HORMAD2: variants seen among roughly 807,000 people sequenced by gnomAD.
The protein encoded by HORMAD2 is HORMA domain containing 2.
HORMAD2 carries 45 observed loss-of-function variants against 38.8 expected under a neutral mutation model. The observed-to-expected ratio is 1.16, with a 90% CI of 0.91 to 1.49. The LOEUF (loss-of-function observed/expected upper bound fraction) is 1.49. Ranked by LOEUF, HORMAD2 falls within the 40% of genes most tolerant of loss-of-function variation. The pLI, the probability that HORMAD2 is intolerant of heterozygous loss-of-function variation, is 0.00. For missense variants in HORMAD2, 338 were observed against 367.0 expected (o/e 0.92, Z 0.65); for synonymous variants, 126 against 122.8 (o/e 1.03, Z -0.17).
At chr22:30,153,775 T>C (rs73883378) in intron 10 of HORMAD2, among the ~76,000 whole-genome samples, 11,897 of 152,256 alleles carry the variant, frequency 0.078, 541 homozygotes, top group African/African-American at 0.093. Context: ...TATCATTTAC[T>C]TAGTTGCTTC....
chr22:30,139,751 C>T (rs951556809), intron 10 of HORMAD2, among the ~76,000 whole-genome samples: 2 of 151,638 alleles, frequency 1.3e-5, no homozygotes, highest in East Asian at 3.9e-4. Flanking sequence ...TGAAGAAGTT[C>T]CCTTCTTAGT....
chr22:30,090,180 T>C (rs1168199283), intron 1 of HORMAD2, among the ~76,000 whole-genome samples: 1 of 151,976 alleles, frequency 6.6e-6, no homozygotes, highest in African/African-American at 2.4e-5. Context: ...CTGGGCAACA[T>C]GACAAAACCC....
chr22:30,083,119 T>C (rs924642136), intron 1 of HORMAD2, among the ~76,000 whole-genome samples: 1 of 151,986 alleles, frequency 6.6e-6, no homozygotes, highest in African/African-American at 2.4e-5. Context: ...AAATAAAATT[T>C]GCTGAGTGTG....
chr22:30,111,942 T>G, intron 6 of HORMAD2, 126 bp downstream of exon 6: 1 of 635,300 alleles, frequency 1.6e-6, no homozygotes, highest in Non-Finnish European at 2.7e-6. Context: ...GTCTTGGAAT[T>G]AAAAACATAG....
At chr22:30,122,596 G>A (rs1922537685) in intron 10 of HORMAD2, among the ~76,000 whole-genome samples, 1 of 152,166 alleles carries the variant, frequency 6.6e-6, no homozygotes, top group Admixed American at 6.5e-5. Flanking sequence ...ATAATTGGAT[G>A]GGAGGAGTTG....
the HORMAD2 span, among the ~76,000 whole-genome samples, chr22:30,205,466 CG>C: frequency 1.3e-5 from 2 of 152,250 alleles, no homozygotes; most frequent in Middle Eastern, 3.4e-3. Flanking sequence ...CAGAGAAGGC[CG>C]GTGACTGGCC....
chr22:30,119,004 A>G lies in HORMAD2; in HGVS notation c.367A>G (p.Lys123Glu), dbSNP rs200580449. ...SEKVTEMYQFKFKYTKEGATM... is the reference protein window; with the variant it reads ...SEKVTEMYQFEFKYTKEGATM... ...GAAGGTGACTGAGATGTACCAGTTC[A>G]AATTCAAATACACGAAAGAAGGAGC... Residue 123 changes from lysine (K) to glutamate (E), a missense_variant, in exon 8 of 11, where the codon AAA (lysine) becomes GAA (glutamate). Coordinates refer to ENST00000336726, the MANE Select transcript of HORMAD2 (RefSeq NM_152510.4). The G allele has an allele frequency of 2.5e-6, 4 of 1,590,302 alleles. No homozygotes were observed. The African/African-American group carries it at 4.0e-5, about 16-fold the overall frequency.
intron 2 of HORMAD2, among the ~76,000 whole-genome samples, chr22:30,095,924 A>T (rs766521375): frequency 6.6e-6 from 1 of 152,040 alleles, no homozygotes; most frequent in Admixed American, 6.6e-5. Context: ...ACTCCCTCTC[A>T]TGCTGTCTTC....
At chr22:30,078,790 G>A (rs935858212), upstream of HORMAD2, among the ~76,000 whole-genome samples, 1 of 152,096 alleles carries the variant, frequency 6.6e-6, no homozygotes, top group African/African-American at 2.4e-5. Flanking sequence ...AAGAAAATTA[G>A]AACAGCCAGC....
At chr22:30,084,187 T>C (rs1400770324) in intron 1 of HORMAD2, among the ~76,000 whole-genome samples, 1 of 152,206 alleles carries the variant, frequency 6.6e-6, no homozygotes, top group Non-Finnish European at 1.5e-5. Flanking sequence ...AGAGCAGACA[T>C]GTATTGGCTT....
upstream of HORMAD2, among the ~76,000 whole-genome samples, chr22:30,079,399 G>A (rs187646209): frequency 8.8e-4 from 134 of 152,356 alleles, no homozygotes; most frequent in Middle Eastern, 6.8e-3. Context: ...ACAAATTAAT[G>A]TTAAAAAGAA....
In HORMAD2 at chr22:30,129,114, A is replaced by G. The variant is rs552404586; in HGVS notation, c.819+6900A>G. On this transcript the variant is annotated intron_variant, in intron 10 of 10. Coordinates refer to ENST00000336726, the MANE Select transcript of HORMAD2 (RefSeq NM_152510.4). ...GCACCTGTAGTCCCAGCTACTTGGG[A>G]GGCTGAGGCAGGAGAATGGCAAAAA... is the stretch of plus-strand genomic sequence containing the variant. Among the ~76,000 whole-genome samples the G allele has an allele frequency of 1.6e-4, 24 of 149,392 alleles. No individual in the cohort carries two copies. In the East Asian group the frequency reaches 4.9e-3, roughly 30 times the overall value.
chr22:30,196,711 T>C, the HORMAD2 span, among the ~76,000 whole-genome samples: 322 of 152,282 alleles, frequency 2.1e-3, 2 homozygotes, highest in African/African-American at 6.5e-3. Context: ...TGCTGTGCTC[T>C]CTTAAGGAAA....
chr22:30,113,858 G>A (rs1210919800), intron 7 of HORMAD2, among the ~76,000 whole-genome samples: 1 of 152,104 alleles, frequency 6.6e-6, no homozygotes, highest in East Asian at 1.9e-4. Flanking sequence ...ACATACGGTA[G>A]GTAGCAATTC....
chr22:30,114,108 CA>C (rs747356919), intron 7 of HORMAD2, among the ~76,000 whole-genome samples: 2 of 151,696 alleles, frequency 1.3e-5, no homozygotes, highest in Non-Finnish European at 1.5e-5. Flanking sequence ...AGTTTAATTA[CA>C]AAAAAAGTAT....
rs576515808 is a variant in HORMAD2 at position 30,126,426 on chromosome 22, C to T, written c.819+4212C>T. On this transcript the variant is annotated intron_variant, in intron 10 of 10. Coordinates refer to ENST00000336726, the MANE Select transcript of HORMAD2 (RefSeq NM_152510.4). ...TCTTGATCAGCCCGCCTCGGCCTGC[C>T]AAAGTGCTGGGATTACAGGTGTGAG... Among the ~76,000 whole-genome samples, 254 of 152,224 alleles carry T rather than the reference C, an allele frequency of 1.7e-3. 1 individual carries two copies. Among genetic ancestry groups the T allele is most frequent in the African/African-American group, 5.9e-3 (243 of 41,522 alleles).
chr22:30,144,418 C>A (rs1013188658), intron 10 of HORMAD2, among the ~76,000 whole-genome samples: 10 of 152,230 alleles, frequency 6.6e-5, no homozygotes. Flanking sequence ...TTTGATACAA[C>A]CTCCATTGTA....
chr22:30,124,069 T>G (rs1922658561), intron 10 of HORMAD2, among the ~76,000 whole-genome samples: 1 of 152,062 alleles, frequency 6.6e-6, no homozygotes, highest in South Asian at 2.1e-4. Context: ...AGAAATGTGA[T>G]AATCCTTCTC....
chr22:30,141,253 C>A (rs1924052571), intron 10 of HORMAD2, among the ~76,000 whole-genome samples: 1 of 152,212 alleles, frequency 6.6e-6, no homozygotes, highest in African/African-American at 2.4e-5. Context: ...CCACCTCGGC[C>A]TCCCAAAGTG....
Sources: gnomAD v4.1 joint callset for allele counts (sites outside exome capture counted in the v4.1 genomes callset) on GRCh38, gnomAD v4.1.1 for gene constraint, MANE v1.5 for transcripts, NCBI Gene and HGNC (gene_info 2026-07-23, HGNC 2026-07-21) for gene names.